Variants in GRM1 observed in about 807,000 individuals in gnomAD.
The protein encoded by GRM1 is glutamate metabotropic receptor 1.
Under a neutral mutation model 90.9 loss-of-function variants are expected in GRM1, and 33 were observed. The ratio of observed to expected loss-of-function variants is 0.36; its 90% CI spans 0.28 to 0.49. GRM1 has a LOEUF of 0.49. Among genes scored for constraint, GRM1 ranks in the 20% least tolerant of loss-of-function variants. The pLI is 0.99. For synonymous variants in GRM1, 700 were observed against 613.2 expected, an observed-to-expected ratio of 1.14 and a Z score of -2.09; for missense variants, 1,190 against 1,534.3, an observed-to-expected ratio of 0.78 and a Z score of 3.75.
intron 2 of GRM1, 44 bp downstream of exon 2, chr6:146,159,641 T>TCTCTCTCTCTCTCTCACACA: frequency 6.9e-6 from 5 of 726,960 alleles, no homozygotes; most frequent in East Asian, 7.0e-5. Flanking sequence ...TCTCTCTCTC[T>TCTCTCTCTCTCTCTCACACA]CACACACACA....
chr6:146,174,517 A>T (rs1173268121), intron 2 of GRM1, among the ~76,000 whole-genome samples: 1 of 152,188 alleles, frequency 6.6e-6, no homozygotes, highest in East Asian at 1.9e-4. Flanking sequence ...GTTTGCTGGT[A>T]TGTTTTGCCA....
chr6:146,072,180 G>A (rs1375665877), intron 1 of GRM1, among the ~76,000 whole-genome samples: 7 of 152,066 alleles, frequency 4.6e-5, no homozygotes, highest in Non-Finnish European at 7.4e-5. Context: ...GTATCTATCC[G>A]CTGGACAAGA....
chr6:146,370,052 T>A (rs1775841238), intron 5 of GRM1, among the ~76,000 whole-genome samples: 1 of 152,098 alleles, frequency 6.6e-6, no homozygotes, highest in South Asian at 2.1e-4. Context: ...TCTTGTTGAA[T>A]TGACCCCTTT....
chr6:146,111,404 G>A (rs1775553534), intron 1 of GRM1, among the ~76,000 whole-genome samples: 1 of 152,188 alleles, frequency 6.6e-6, no homozygotes, highest in South Asian at 2.1e-4. Context: ...CAATGAACAA[G>A]ACACACAAAG....
At chr6:146,384,453 A>G (rs992024236) in intron 5 of GRM1, among the ~76,000 whole-genome samples, 4 of 152,086 alleles carry the variant, frequency 2.6e-5, no homozygotes, top group African/African-American at 7.2e-5. Flanking sequence ...ACTATTCTAG[A>G]CTTGCTCTAA....
At chr6:146,154,822 A>G (rs1034630807) in intron 1 of GRM1, among the ~76,000 whole-genome samples, 26 of 152,334 alleles carry the variant, frequency 1.7e-4, no homozygotes, top group Non-Finnish European at 2.8e-4. Context: ...AACTGCTTTC[A>G]CAAACAGTGT....
Position 146,269,826 on chromosome 6 carries a change from G to A in GRM1, c.951-34785G>A, listed in dbSNP as rs545459820. 2.2e-3 allele frequency among the ~76,000 whole-genome samples: 334 copies of A among 149,698 alleles called. 5 individuals are homozygous for A. The highest frequency in any genetic ancestry group is 6.4e-3 in the East Asian group (33 of 5,162). On this transcript the variant is annotated intron_variant, in intron 2 of 7. Coordinates refer to ENST00000282753, the MANE Select transcript of GRM1 (RefSeq NM_001278064.2). The stretch of plus-strand genomic sequence containing the variant: ...ATGAAACTGGTCCCTGGTGCCAAAA[G>A]TTTGAGGACCATTGTTTTAGAGGAC...
At chr6:146,109,899 G>T (rs1228884268) in intron 1 of GRM1, among the ~76,000 whole-genome samples, 1 of 152,220 alleles carries the variant, frequency 6.6e-6, no homozygotes. Context: ...TTTCTGGCTT[G>T]CATGGGGCCT....
At chr6:146,288,091 G>T (rs910532508) in intron 2 of GRM1, among the ~76,000 whole-genome samples, 7 of 152,196 alleles carry the variant, frequency 4.6e-5, no homozygotes, top group Non-Finnish European at 2.9e-5. Flanking sequence ...AATGAGCAGA[G>T]GCTAGAAGAA....
At chr6:146,423,754 C>T (rs575614333) in intron 7 of GRM1, among the ~76,000 whole-genome samples, 17 of 152,188 alleles carry the variant, frequency 1.1e-4, no homozygotes, top group African/African-American at 3.9e-4. Context: ...TCAAGGCATC[C>T]CCCCGCCCCT....
At chr6:146,090,210 A>G (rs1776670793) in intron 1 of GRM1, among the ~76,000 whole-genome samples, 1 of 152,128 alleles carries the variant, frequency 6.6e-6, no homozygotes, top group Admixed American at 6.6e-5. Context: ...CCTTGAGGCC[A>G]TGGGTTTAGA....
chr6:146,216,238 C>T (rs1419493689), intron 2 of GRM1, among the ~76,000 whole-genome samples: 1 of 151,946 alleles, frequency 6.6e-6, no homozygotes, highest in Non-Finnish European at 1.5e-5. Context: ...ATTTTGTTTT[C>T]TTTTTAGGTA....
chr6:146,327,601 C>T (rs1207572030), intron 3 of GRM1, among the ~76,000 whole-genome samples: 1 of 152,076 alleles, frequency 6.6e-6, no homozygotes, highest in Admixed American at 6.6e-5. Flanking sequence ...TAGCCAAGGT[C>T]GTAATGACTA....
intron 1 of GRM1, among the ~76,000 whole-genome samples, chr6:146,149,036 G>C (rs569178465): frequency 2.0e-5 from 3 of 152,254 alleles, no homozygotes; most frequent in African/African-American, 7.2e-5. Context: ...ATACCACTTA[G>C]ATTTTGCCTT....
chr6:146,396,924 C>T (rs1776959466), intron 6 of GRM1, among the ~76,000 whole-genome samples: 1 of 152,150 alleles, frequency 6.6e-6, no homozygotes, highest in South Asian at 2.1e-4. Context: ...TAAAGACCTA[C>T]ATGATTACAA....
intron 7 of GRM1, chr6:146,426,727 G>T: frequency 1.4e-6 from 1 of 707,414 alleles, no homozygotes; most frequent in Non-Finnish European, 2.6e-6. Context: ...CATGGAAACA[G>T]ATGTGGTGCA....
chr6:146,359,540 C>T (rs1052988066), intron 5 of GRM1, among the ~76,000 whole-genome samples: 5 of 152,150 alleles, frequency 3.3e-5, no homozygotes, highest in African/African-American at 1.2e-4. Flanking sequence ...AAAATAAAAC[C>T]TGGCAGGAGA....
At chr6:146,384,610 C>T (rs933413492) in intron 5 of GRM1, among the ~76,000 whole-genome samples, 5 of 151,964 alleles carry the variant, frequency 3.3e-5, no homozygotes, top group African/African-American at 1.2e-4. Flanking sequence ...TGCATCTAGC[C>T]AAAAAATTGC....
intron 1 of GRM1, among the ~76,000 whole-genome samples, chr6:146,130,108 A>G (rs1458383685): frequency 6.6e-6 from 1 of 152,166 alleles, no homozygotes; most frequent in Non-Finnish European, 1.5e-5. Context: ...GTCATGGGGA[A>G]TTCTACCACC....
Sources: gnomAD v4.1 joint callset for allele counts (sites outside exome capture counted in the v4.1 genomes callset) on GRCh38, gnomAD v4.1.1 for gene constraint, MANE v1.5 for transcripts, NCBI Gene and HGNC (gene_info 2026-07-23, HGNC 2026-07-21) for gene names.